The following DHDH variants were observed in gnomAD, a reference collection of about 807,000 sequenced individuals.
The protein encoded by DHDH is dihydrodiol dehydrogenase.
In DHDH, 29 loss-of-function variants were observed where a neutral mutation model predicts 33.2. The observed-to-expected ratio is 0.87, with a 90% CI of 0.65 to 1.19. The LOEUF is 1.19. DHDH is among the 50% of genes most tolerant of loss of function. The probability of loss-of-function intolerance (pLI) is 0.00; values close to 1 mark genes in which losing one functional copy is unlikely to be tolerated. For missense variants in DHDH, 431 were observed against 455.0 expected (o/e 0.95, Z 0.48); for synonymous variants, 201 against 187.9 (o/e 1.07, Z -0.57).
chr19:48,939,527 G>A lies in DHDH; in HGVS notation c.445G>A (p.Val149Met). The A allele has an allele frequency of 1.2e-6, 2 of 1,614,114 alleles. No individual in the cohort carries two copies. Among genetic ancestry groups the A allele is most frequent in the Non-Finnish European group, 1.7e-6 (2 of 1,180,032 alleles). ...CCAGGGAACTCTAGGAGACCTCCGG[G>A]TGGCTCGGGCAGAATTTGGGAAGAA... ...LAQGTLGDLR[V>M]ARAEFGKNLI... Residue 149 changes from valine to methionine, a missense_variant, in exon 4 of 7, where the codon GTG (valine) becomes ATG (methionine). Val to Met is a conservative substitution (Grantham distance 21). Transcript: ENST00000221403.
intron 4 of DHDH, among the ~76,000 whole-genome samples, chr19:48,941,777 G>A (rs2037864750): frequency 6.6e-6 from 1 of 151,148 alleles, no homozygotes; most frequent in Non-Finnish European, 1.5e-5. Context: ...AGGCTCCAGG[G>A]ATCCTCCACC....
intron 1 of DHDH, among the ~76,000 whole-genome samples, chr19:48,934,320 C>A (rs1294765069): frequency 1.3e-5 from 2 of 152,208 alleles, no homozygotes; most frequent in Admixed American, 6.5e-5. Flanking sequence ...GGGTTTCCCC[C>A]CACTGAGAAA....
At chr19:48,938,361 C>A (rs1032787407) in intron 3 of DHDH, among the ~76,000 whole-genome samples, 3 of 151,972 alleles carry the variant, frequency 2.0e-5, no homozygotes, top group African/African-American at 7.3e-5. Flanking sequence ...CCTCCCAAAG[C>A]GCTGGGGTTA....
At chr19:48,940,354 C>CAA (rs368492917) in intron 4 of DHDH, among the ~76,000 whole-genome samples, 1 of 133,908 alleles carries the variant, frequency 7.5e-6, no homozygotes, top group Non-Finnish European at 1.6e-5. Context: ...GACTCCATCT[C>CAA]AAAAAAAAAA....
At chr19:48,937,411 C>G (rs2037793425) in intron 3 of DHDH, among the ~76,000 whole-genome samples, 2 of 152,164 alleles carry the variant, frequency 1.3e-5, no homozygotes, top group Admixed American at 6.5e-5. Flanking sequence ...TGCGGTGGCT[C>G]ACGCCTGTAA....
chr19:48,937,922 G>A (rs2037803627), intron 3 of DHDH, among the ~76,000 whole-genome samples: 1 of 151,664 alleles, frequency 6.6e-6, no homozygotes, highest in Non-Finnish European at 1.5e-5. Flanking sequence ...CCTAGTCCAC[G>A]GAGCTTCCGT....
chr19:48,932,882 A>G (rs2037723697), upstream of DHDH, among the ~76,000 whole-genome samples: 1 of 152,140 alleles, frequency 6.6e-6, no homozygotes, highest in African/African-American at 2.4e-5. Flanking sequence ...TCACAACCCT[A>G]TGTAGGTAGA....
At chr19:48,933,572 A>C, upstream of DHDH, 1 of 690,250 alleles carries the variant, frequency 1.4e-6, no homozygotes, top group Non-Finnish European at 2.5e-6. Context: ...GCTAGAACTA[A>C]ATGACCGCTC....
chr19:48,942,293 C>T (rs540549769), intron 4 of DHDH, 147 bp from the exon 5 acceptor site: 6 of 929,430 alleles, frequency 6.5e-6, no homozygotes, highest in East Asian at 3.0e-5. Flanking sequence ...CGTGAGCCAC[C>T]GCGACCAGCC....
chr19:48,935,083 TGAG>T lies in DHDH; in HGVS notation c.178_180del (p.Glu60del). Reference sequence around the variant, plus strand: ...ACATCCCCAAGGCCTACGGCTCCTATGAGGAGCTGGCCAAGGACCCGAGCGTGG... The same window carrying T: ...ACATCCCCAAGGCCTACGGCTCCTATGAGCTGGCCAAGGACCCGAGCGTGG... On this transcript the variant is annotated inframe_deletion, in exon 2 of 7. Coordinates refer to ENST00000221403, the MANE Select transcript of DHDH (RefSeq NM_014475.4). The T allele has an allele frequency of 6.3e-7, 1 of 1,586,366 alleles. No homozygotes were observed. Among genetic ancestry groups the T allele is most frequent in the Non-Finnish European group, 8.6e-7 (1 of 1,168,682 alleles).
Position 48,936,104 on chromosome 19 carries a change from C to A in DHDH, c.275C>A (p.Ala92Asp), listed in dbSNP as rs1233168327. 2 of 1,611,420 alleles carry A rather than the reference C, an allele frequency of 1.2e-6. No homozygotes were observed. The highest frequency in any genetic ancestry group is 3.3e-5 in the Admixed American group (2 of 59,772). ...ATGCTGTGCTTGGCGGCGGGCAAGG[C>A]CGTTCTGTGCGAGAAGCCCACGGGC... Reference protein sequence around the residue: ...AVMLCLAAGKAVLCEKPTGVN... With the variant: ...AVMLCLAAGKDVLCEKPTGVN... The change falls in exon 3 of 7, where the codon GCC (alanine) becomes GAC (aspartate). Residue 92 changes from alanine to aspartate, a missense_variant. Transcript: ENST00000221403.
At chr19:48,944,677 A>C (rs956872913) in intron 6 of DHDH, 147 bp from the exon 7 acceptor site, 17 of 1,197,414 alleles carry the variant, frequency 1.4e-5, no homozygotes, top group Non-Finnish European at 1.9e-5. Flanking sequence ...CTCTCACTCC[A>C]AAAAAAGAAC....
At chr19:48,938,837 C>T (rs985573624) in intron 3 of DHDH, among the ~76,000 whole-genome samples, 13 of 152,032 alleles carry the variant, frequency 8.6e-5, no homozygotes, top group East Asian at 3.9e-4. Context: ...TTAATAGAGA[C>T]GGGGTTTCAC....
chr19:48,937,580 AG>A (rs201107957), intron 3 of DHDH, among the ~76,000 whole-genome samples: 2,446 of 151,994 alleles, frequency 0.016, 65 homozygotes, highest in African/African-American at 0.055. Flanking sequence ...CGAGAGGCAG[AG>A]GCGGGCGGAT....
At chr19:48,942,325 G>T (rs950075623) in intron 4 of DHDH, 115 bp from the exon 5 acceptor site, 28 of 1,185,212 alleles carry the variant, frequency 2.4e-5, no homozygotes, top group Middle Eastern at 3.0e-4. Flanking sequence ...CTTTTGCCTT[G>T]CCATGCAAGA....
chr19:48,939,462 G>A lies in DHDH; in HGVS notation c.380G>A (p.Arg127His), dbSNP rs371726493. 155 of 1,612,484 alleles carry A rather than the reference G, an allele frequency of 9.6e-5. 2 individuals are homozygous for A. The South Asian group carries it at 1.2e-3, about 12-fold the overall frequency. Reference sequence around the variant, plus strand: ...TGTGGTCTGCAGGCCATCTGGACCCGCTTCTTTCCTGCCTCCGAGGCTCTG... The same window carrying A: ...TGTGGTCTGCAGGCCATCTGGACCCACTTCTTTCCTGCCTCCGAGGCTCTG... ...ALFLMEAIWTRFFPASEALRS... is the reference protein window; with the variant it reads ...ALFLMEAIWTHFFPASEALRS... Residue 127 changes from arginine to histidine, a missense_variant, in exon 4 of 7, where the codon CGC becomes CAC. By Grantham distance (29) the Arg-to-His change is conservative. Transcript: ENST00000221403.
At chr19:48,935,986 T>A in intron 2 of DHDH, 46 bp from the exon 3 acceptor site, 1 of 1,557,598 alleles carries the variant, frequency 6.4e-7, no homozygotes, top group South Asian at 1.2e-5. Context: ...AGCTCGGCTG[T>A]CTGGGTGGGC....
At chr19:48,941,142 G>T (rs1195377364) in intron 4 of DHDH, among the ~76,000 whole-genome samples, 1 of 152,148 alleles carries the variant, frequency 6.6e-6, no homozygotes, top group African/African-American at 2.4e-5. Flanking sequence ...CTGTTCAGCT[G>T]GGACTGGACA....
In DHDH at chr19:48,936,160, G is replaced by T. The variant is rs559277480; in HGVS notation, c.331G>T (p.Ala111Ser). 3.7e-6 allele frequency: 6 copies of T among 1,605,050 alleles called. No individual in the cohort carries two copies. The African/African-American group carries it at 8.0e-5, about 21-fold the overall frequency. The change falls in exon 3 of 7, where the codon GCG (alanine) becomes TCG (serine). Residue 111 changes from alanine (A) to serine (S), a missense_variant. Ala to Ser is a moderately conservative substitution (Grantham distance 99, BLOSUM62 1). Coordinates refer to ENST00000221403, the MANE Select transcript of DHDH (RefSeq NM_014475.4). ...VNAAEVREMV[A>S]EARSRALFLM... ...CGCGGCGGAAGTTCGCGAGATGGTCGCGGAGGCCCGATCCCGAGCCCTCTT... is the reference window on the plus strand; with the variant it reads ...CGCGGCGGAAGTTCGCGAGATGGTCTCGGAGGCCCGATCCCGAGCCCTCTT...
Sources: allele counts gnomAD v4.1 joint callset (sites outside exome capture counted in the v4.1 genomes callset), GRCh38; gene constraint gnomAD v4.1.1; transcripts MANE v1.5; gene names NCBI Gene and HGNC (gene_info 2026-07-23, HGNC 2026-07-21).